MKLN1: variants seen among roughly 807,000 people sequenced by gnomAD.
MKLN1 encodes the protein muskelin 1.
A neutral mutation model predicts 99.0 loss-of-function variants in MKLN1; 18 were observed. That is an observed-to-expected ratio of 0.18 (90% CI 0.13 to 0.27). The LOEUF is 0.27. MKLN1 is among the 10% of genes least tolerant of loss of function. MKLN1 has a pLI of 1.00. For missense variants in MKLN1, 621 were observed against 875.9 expected, an observed-to-expected ratio of 0.71 and a Z score of 3.67; for synonymous variants, 288 against 293.2, an observed-to-expected ratio of 0.98 and a Z score of 0.18.
intron 17 of MKLN1, among the ~76,000 whole-genome samples, chr7:131,483,904 C>G (rs986050194): frequency 2.0e-5 from 3 of 152,182 alleles, no homozygotes; most frequent in African/African-American, 7.2e-5. Flanking sequence ...TGAATTTTAG[C>G]AAACAGGCAA....
At chr7:131,324,361 G>C (rs1449849520), upstream of MKLN1, 2 of 152,222 alleles carry the variant, frequency 1.3e-5, no homozygotes, top group Non-Finnish European at 2.9e-5. Context: ...CTTTCAGAGA[G>C]AAACACCACC....
intron 3 of MKLN1, among the ~76,000 whole-genome samples, chr7:131,294,075 T>C (rs1179587914): frequency 1.3e-5 from 2 of 152,032 alleles, no homozygotes; most frequent in Non-Finnish European, 2.9e-5. Flanking sequence ...CTTGGGGCAC[T>C]GGACTAGAGA....
intron 2 of MKLN1, among the ~76,000 whole-genome samples, chr7:131,375,819 AAAT>A (rs1320113311): frequency 6.6e-6 from 1 of 150,756 alleles, no homozygotes; most frequent in Non-Finnish European, 1.5e-5. Context: ...AAATAAACTT[AAAT>A]AGTTTATTTT....
At chr7:131,379,470 A>G (rs1056380352) in intron 2 of MKLN1, among the ~76,000 whole-genome samples, 9 of 152,208 alleles carry the variant, frequency 5.9e-5, no homozygotes, top group Non-Finnish European at 1.3e-4. Context: ...AAAGAACCAA[A>G]TAAAACTTCT....
At chr7:131,319,781 C>A (rs1798739483) in intron 3 of MKLN1, among the ~76,000 whole-genome samples, 1 of 152,144 alleles carries the variant, frequency 6.6e-6, no homozygotes, top group African/African-American at 2.4e-5. Flanking sequence ...TTCCTGTACA[C>A]CAATCATAGA....
chr7:131,201,003 C>T (rs750939516), intron 2 of MKLN1, among the ~76,000 whole-genome samples: 4 of 152,290 alleles, frequency 2.6e-5, no homozygotes, highest in South Asian at 4.1e-4. Flanking sequence ...CTTCCTCCTT[C>T]CCTAAATTCA....
chr7:131,438,189 G>A (rs1287485430), intron 10 of MKLN1, among the ~76,000 whole-genome samples, 192 bp downstream of exon 10: 2 of 151,910 alleles, frequency 1.3e-5, no homozygotes, highest in Non-Finnish European at 2.9e-5. Context: ...TTGTTGCAGG[G>A]TAGAATATGA....
chr7:131,281,142 T>C (rs1012989992), intron 3 of MKLN1, among the ~76,000 whole-genome samples: 1 of 152,206 alleles, frequency 6.6e-6, no homozygotes, highest in Admixed American at 6.5e-5. Context: ...CATTTACTCT[T>C]GTTTTCTGAT....
chr7:131,388,266 A>G (rs1794090109), intron 3 of MKLN1, among the ~76,000 whole-genome samples: 1 of 152,244 alleles, frequency 6.6e-6, no homozygotes, highest in Non-Finnish European at 1.5e-5. Flanking sequence ...TATTTAAGTC[A>G]TGAAAGTATT....
At chr7:131,110,854 TCTC>T (rs1427251177) in intron 1 of MKLN1, among the ~76,000 whole-genome samples, 51 of 152,166 alleles carry the variant, frequency 3.4e-4, no homozygotes, top group African/African-American at 1.1e-3. Context: ...ATCCCGCTTC[TCTC>T]CTCATCTTCA....
At position 131,152,624 on chromosome 7, in the gene MKLN1, C is replaced by T. The variant is rs185069771; in HGVS notation, c.-297+9683C>T. Among the ~76,000 whole-genome samples, 61 of 151,504 alleles carry T rather than the reference C, an allele frequency of 4.0e-4. 2 individuals are homozygous for T. The highest frequency in any genetic ancestry group is 3.4e-3 in the Admixed American group (52 of 15,214). ...AAGCGATTCTCCTGCCTTAGCCTCC[C>T]GAGTAGCTGAGATTACAGGCACGCT... On this transcript the variant is annotated intron_variant, in intron 2 of 7. Coordinates refer to the MKLN1 transcript ENST00000416992.
In MKLN1 at chr7:131,487,024, T is replaced by C. The variant is rs1357919414; in HGVS notation, c.2087-583T>C. 6.6e-6 allele frequency among the ~76,000 whole-genome samples: 1 copy of C among 152,192 alleles called. No individual in the cohort carries two copies. Among genetic ancestry groups the C allele is most frequent in the Non-Finnish European group, 1.5e-5 (1 of 68,024 alleles). ...GTATAGTGTTATGTGCAGATACCAT[T>C]CTGCATATTGTACATGTATCTCCCT... On this transcript the variant is annotated intron_variant, in intron 17 of 17. Coordinates refer to ENST00000352689, the MANE Select transcript of MKLN1 (RefSeq NM_013255.5). This position sits in a 1 kb window ranked among gnomAD's most constrained non-coding sequence, Gnocchi z 4.7.
At chr7:131,227,495 C>CCCTTTCTTTCTTTCTTTCTTTCTT (rs1797170621) in intron 3 of MKLN1, among the ~76,000 whole-genome samples, 1 of 115,788 alleles carries the variant, frequency 8.6e-6, no homozygotes, top group Non-Finnish European at 1.7e-5. Flanking sequence ...CTCTTTCTTT[C>CCCTTTCTTTCTTTCTTTCTTTCTT]TCTTTCTTTC....
chr7:131,234,273 C>T (rs918523918), intron 3 of MKLN1, among the ~76,000 whole-genome samples: 3 of 152,144 alleles, frequency 2.0e-5, no homozygotes, highest in African/African-American at 4.8e-5. Context: ...AGACACCACG[C>T]CCGGCCTTTA....
chr7:131,240,056 T>A (rs1584859856), intron 3 of MKLN1, among the ~76,000 whole-genome samples: 1 of 151,980 alleles, frequency 6.6e-6, no homozygotes, highest in Non-Finnish European at 1.5e-5. Context: ...TGGTGCGTGC[T>A]TTTAGTCCCA....
chr7:131,237,684 T>A (rs1797344099), intron 3 of MKLN1, among the ~76,000 whole-genome samples: 1 of 152,126 alleles, frequency 6.6e-6, no homozygotes, highest in Non-Finnish European at 1.5e-5. Flanking sequence ...CTGTTCTGAG[T>A]ACCCATTGAG....
intron 2 of MKLN1, among the ~76,000 whole-genome samples, chr7:131,186,867 G>A (rs1032433710): frequency 1.3e-5 from 2 of 152,146 alleles, no homozygotes; most frequent in Admixed American, 6.5e-5. Context: ...AGGGTGAGGA[G>A]GTAGAAGTGC....
At chr7:131,475,718 G>A (rs1481260227) in intron 16 of MKLN1, among the ~76,000 whole-genome samples, 2 of 152,282 alleles carry the variant, frequency 1.3e-5, no homozygotes, top group South Asian at 2.1e-4. Flanking sequence ...GCTGAGGTGG[G>A]AGGATCACCT....
intron 3 of MKLN1, among the ~76,000 whole-genome samples, chr7:131,278,454 G>C (rs1017402568): frequency 1.3e-5 from 2 of 152,120 alleles, no homozygotes; most frequent in Non-Finnish European, 2.9e-5. Context: ...TGAATGCAAA[G>C]CTTGTCCAGC....
Sources: gnomAD v4.1 joint callset for allele counts (sites outside exome capture counted in the v4.1 genomes callset) on GRCh38, gnomAD v4.1.1 for gene constraint, Gnocchi (gnomAD v3.1) non-coding constraint, MANE v1.5 for transcripts, NCBI Gene and HGNC (gene_info 2026-07-23, HGNC 2026-07-21) for gene names.